Variants in RAB18 observed in about 807,000 individuals in gnomAD.
RAB18 encodes RAB18, member RAS oncogene family.
Under a neutral mutation model 28.5 loss-of-function variants are expected in RAB18, and 10 were observed. That is an observed-to-expected ratio of 0.35 (90% CI 0.22 to 0.60). The LOEUF (loss-of-function observed/expected upper bound fraction) is 0.60. Ranked by LOEUF, RAB18 falls within the 20% of genes least tolerant of loss-of-function variation. The probability of loss-of-function intolerance (pLI) is 0.78; values close to 1 mark genes in which losing one functional copy is unlikely to be tolerated. For missense variants in RAB18, 188 were observed against 244.2 expected, an observed-to-expected ratio of 0.77 and a Z score of 1.53; for synonymous variants, 93 against 86.9, an observed-to-expected ratio of 1.07 and a Z score of -0.39.
At chr10:27,507,767 A>G (rs367582436) in intron 1 of RAB18, among the ~76,000 whole-genome samples, 11 of 151,922 alleles carry the variant, frequency 7.2e-5, no homozygotes, top group African/African-American at 2.2e-4. Flanking sequence ...TGCCAGGTGC[A>G]GTGGCTCATC....
At position 27,520,462 on chromosome 10, in the gene RAB18, C is replaced by G. The variant is rs1834523327; in HGVS notation, c.125-6366C>G. Among the ~76,000 whole-genome samples, 3 of 151,746 alleles carry G rather than the reference C, an allele frequency of 2.0e-5. No homozygotes were observed. In the South Asian group the frequency reaches 6.2e-4, roughly 32 times the overall value. ...AAAACAACTTTGGTTATCAGTTTTCCTTATTGTGTTTTATTCTCTAATTAT... is the reference window on the plus strand; with the variant it reads ...AAAACAACTTTGGTTATCAGTTTTCGTTATTGTGTTTTATTCTCTAATTAT... On this transcript the variant is annotated intron_variant, in intron 2 of 6. Transcript: ENST00000356940.
At chr10:27,522,904 T>A (rs1266929506) in intron 2 of RAB18, among the ~76,000 whole-genome samples, 1 of 152,124 alleles carries the variant, frequency 6.6e-6, no homozygotes, top group East Asian at 1.9e-4. Context: ...TTCTTTTTCC[T>A]GATCAATTTG....
intron 5 of RAB18, 28 bp downstream of exon 5, chr10:27,533,881 G>A (rs1327481696): frequency 8.7e-6 from 14 of 1,610,322 alleles, no homozygotes; most frequent in South Asian, 1.1e-5. Flanking sequence ...TGGCATTTTG[G>A]TTCTATATTT....
chr10:27,516,153 G>A (rs1834433800), intron 2 of RAB18, among the ~76,000 whole-genome samples: 1 of 152,056 alleles, frequency 6.6e-6, no homozygotes, highest in Admixed American at 6.6e-5. Context: ...CTTTGTTAAA[G>A]ATGTTCTCTA....
intron 3 of RAB18, chr10:27,528,247 A>G (rs1330849675): frequency 3.7e-5 from 17 of 453,456 alleles, no homozygotes; most frequent in Non-Finnish European, 4.4e-6. Flanking sequence ...TTCCTGCCTA[A>G]TAAAAAGGCT....
chr10:27,504,332 C>CG lies in RAB18; in HGVS notation c.-35dup, dbSNP rs1564824512. ...CTGCTGAAGGGCTGAGAGGCGCACC[C>CG]GGGCGGCCAGCTGGGCTCGGAGCGG... On this transcript the variant is annotated 5_prime_UTR_variant, in exon 1 of 7. Transcript: ENST00000356940. 6 of 1,557,550 alleles carry CG rather than the reference C, an allele frequency of 3.9e-6. 1 individual carries two copies. In the South Asian group the frequency reaches 7.1e-5, roughly 18 times the overall value.
rs894628655 is a variant in RAB18, at chr10:27,540,164, T to C, written c.*2113T>C. 1.1e-5 allele frequency: 5 copies of C among 453,972 alleles called. No individual in the cohort carries two copies. Among genetic ancestry groups the C allele is most frequent in the African/African-American group, 2.0e-5 (1 of 50,022 alleles). 28.1% of individuals were successfully genotyped at this position (453,972 alleles called of 1,614,324 possible). On this transcript the variant is annotated 3_prime_UTR_variant, in exon 7 of 7. Transcript: ENST00000356940. Reference sequence around the variant, plus strand: ...AAAAAACTATTCAATTTCTGAGTAATAGTTAATATTTATTGAAAGCTTCCT... The same window carrying C: ...AAAAAACTATTCAATTTCTGAGTAACAGTTAATATTTATTGAAAGCTTCCT...
intron 2 of RAB18, among the ~76,000 whole-genome samples, chr10:27,523,628 T>G (rs2132392925): frequency 6.6e-6 from 1 of 150,618 alleles, no homozygotes; most frequent in South Asian, 2.1e-4. Flanking sequence ...TTTTTTTTTT[T>G]TTGAGACAGG....
At chr10:27,520,003 T>C (rs11594732) in intron 2 of RAB18, among the ~76,000 whole-genome samples, 9,383 of 152,248 alleles carry the variant, frequency 0.062, 340 homozygotes, top group Middle Eastern at 0.12. Context: ...TGAAAGGGAA[T>C]TGAATTTTGT....
rs1455530674 is a variant in RAB18 at position 27,538,500 on chromosome 10, A to G, written c.*449A>G. The G allele has an allele frequency of 2.2e-6, 1 of 454,670 alleles. No homozygotes were observed. The highest frequency in any genetic ancestry group is 1.6e-5 in the South Asian group (1 of 64,474). The allele number at this position is 454,670 out of a possible 1,614,324, so 28.2% of individuals were successfully genotyped here. ...AAATTTTCTTTCAGGAATAATAAAG[A>G]GCATGATTCCACAGCTTTTCTGGGA... On this transcript the variant is annotated 3_prime_UTR_variant, in exon 7 of 7. Transcript: ENST00000356940.
At position 27,504,966 on chromosome 10, in the gene RAB18, AC is replaced by A. The variant is rs200169635; in HGVS notation, c.68+530del. 5.3e-3 allele frequency: 2,804 copies of A among 533,050 alleles called. 57 individuals carry two copies. Among genetic ancestry groups the A allele is most frequent in the African/African-American group, 0.046 (2,380 of 51,978 alleles). 33.0% of individuals were successfully genotyped at this position (533,050 alleles called of 1,614,324 possible). A position where few individuals can be genotyped will look rare whatever the true frequency, so the allele number is the denominator to read the frequency against. On this transcript the variant is annotated intron_variant, in intron 1 of 6. Transcript: ENST00000356940. The stretch of plus-strand genomic sequence containing the variant: ...GGCGCAGCTTAATGTCGATTCTTTT[AC>A]TTTTTTATTAGTCGGCTGTGAAAGA...
chr10:27,539,515 T>C lies in RAB18; in HGVS notation c.*1464T>C. 1 of 371,822 alleles carries C rather than the reference T, an allele frequency of 2.7e-6. No homozygotes were observed. Among genetic ancestry groups the C allele is most frequent in the Non-Finnish European group, 5.2e-6 (1 of 193,422 alleles). The allele number at this position is 371,822 out of a possible 1,614,324, so 23.0% of individuals were successfully genotyped here. A position where few individuals can be genotyped will look rare whatever the true frequency, so the allele number is the denominator to read the frequency against. On this transcript the variant is annotated 3_prime_UTR_variant, in exon 7 of 7. Transcript: ENST00000356940. Reference sequence around the variant, plus strand: ...ACATGTGGTTGAAGGTTTTATACATTCTATATGCTTTTACTAAATATACAA... The same window carrying C: ...ACATGTGGTTGAAGGTTTTATACATCCTATATGCTTTTACTAAATATACAA...
chr10:27,542,060 A>G lies in RAB18; in HGVS notation c.*4009A>G. On this transcript the variant is annotated 3_prime_UTR_variant, in exon 7 of 7. Coordinates refer to ENST00000356940, the MANE Select transcript of RAB18 (RefSeq NM_021252.5). The stretch of plus-strand genomic sequence containing the variant: ...GAGATAGTGTGCTGGGAGGAGTCAC[A>G]TTCTGAACTTGCTGCAGCTCGTTTT... 4.4e-6 allele frequency: 2 copies of G among 454,088 alleles called. No individual in the cohort carries two copies. The highest frequency in any genetic ancestry group is 1.6e-5 in the South Asian group (1 of 64,478). The allele number at this position is 454,088 out of a possible 1,614,324, so 28.1% of individuals were successfully genotyped here.
At chr10:27,531,484 C>G in intron 3 of RAB18, 1 of 1,532,262 alleles carries the variant, frequency 6.5e-7, no homozygotes, top group East Asian at 2.5e-5. Context: ...GGACTGGTAG[C>G]TAAGTTGAGG....
intron 2 of RAB18, among the ~76,000 whole-genome samples, chr10:27,512,892 G>C (rs1271244927): frequency 6.6e-6 from 1 of 151,822 alleles, no homozygotes; most frequent in Non-Finnish European, 1.5e-5. Context: ...CAAATACTAA[G>C]ATTATAGTAT....
At chr10:27,520,838 A>AC (rs1348288060) in intron 2 of RAB18, among the ~76,000 whole-genome samples, 1 of 133,882 alleles carries the variant, frequency 7.5e-6, no homozygotes, top group Non-Finnish European at 1.5e-5. Context: ...AACCACTTGA[A>AC]CCCAGGAGGC....
intron 6 of RAB18, among the ~76,000 whole-genome samples, 185 bp downstream of exon 6, chr10:27,534,179 C>A (rs1188288632): frequency 6.6e-6 from 1 of 152,120 alleles, no homozygotes; most frequent in Admixed American, 6.6e-5. Context: ...AATGTATGAT[C>A]ATATTATGTG....
intron 1 of RAB18, among the ~76,000 whole-genome samples, chr10:27,507,059 C>T (rs1837860639): frequency 6.6e-6 from 1 of 152,144 alleles, no homozygotes; most frequent in Non-Finnish European, 1.5e-5. Flanking sequence ...TAAATGACTC[C>T]ACTGAAATAG....
chr10:27,534,513 ATGT>A (rs1229924728), intron 6 of RAB18, among the ~76,000 whole-genome samples: 1 of 152,214 alleles, frequency 6.6e-6, no homozygotes, highest in African/African-American at 2.4e-5. Context: ...ATGTGTTTAC[ATGT>A]TGTCTGTAGC....
Sources: allele counts gnomAD v4.1 joint callset (sites outside exome capture counted in the v4.1 genomes callset), GRCh38; gene constraint gnomAD v4.1.1; transcripts MANE v1.5; gene names NCBI Gene and HGNC (gene_info 2026-07-23, HGNC 2026-07-21).